The following PTPN12 variants were observed in gnomAD, a reference collection of about 807,000 sequenced individuals.
PTPN12 encodes the protein protein tyrosine phosphatase non-receptor type 12, also known as tyrosine-protein phosphatase non-receptor type 12.
Under a neutral mutation model 97.6 loss-of-function variants are expected in PTPN12, and 29 were observed. The observed-to-expected ratio is 0.30, with a 90% CI of 0.22 to 0.41. The LOEUF is 0.41. Among genes scored for constraint, PTPN12 ranks in the 10% least tolerant of loss-of-function variants. The pLI is 1.00. For synonymous variants in PTPN12, 327 were observed against 300.4 expected, an observed-to-expected ratio of 1.09 and a Z score of -0.91; for missense variants, 819 against 926.0, an observed-to-expected ratio of 0.88 and a Z score of 1.50.
At chr7:77,589,113 A>T (rs1032117762) in intron 5 of PTPN12, among the ~76,000 whole-genome samples, 15 of 152,114 alleles carry the variant, frequency 9.9e-5, no homozygotes, top group African/African-American at 3.4e-4. Flanking sequence ...ACCTCAGGTG[A>T]TCCGACCGCC....
intron 1 of PTPN12, among the ~76,000 whole-genome samples, chr7:77,544,637 A>C (rs186987993): frequency 6.6e-6 from 1 of 152,224 alleles, no homozygotes; most frequent in Non-Finnish European, 1.5e-5. Context: ...TTTTTTGTTC[A>C]TATGTTAAAT....
At chr7:77,619,446 A>G (rs989473022) in intron 12 of PTPN12, among the ~76,000 whole-genome samples, 1 of 152,200 alleles carries the variant, frequency 6.6e-6, no homozygotes, top group Non-Finnish European at 1.5e-5. Context: ...AGCTTCCCTC[A>G]GTAACTGAAG....
At chr7:77,599,317 C>CTTTTT (rs10624183) in intron 7 of PTPN12, among the ~76,000 whole-genome samples, 1 of 123,888 alleles carries the variant, frequency 8.1e-6, no homozygotes, top group African/African-American at 3.1e-5. Flanking sequence ...AGCGCCCCGA[C>CTTTTT]TTTTTTTTTT....
chr7:77,586,995 G>GT (rs1787712223), intron 5 of PTPN12, among the ~76,000 whole-genome samples: 1 of 152,102 alleles, frequency 6.6e-6, no homozygotes, highest in Non-Finnish European at 1.5e-5. Flanking sequence ...CACATTTGCA[G>GT]TTACTTCCTC....
rs1235172954 is a variant in PTPN12, at chr7:77,627,569, A to G, written c.1890A>G (p.Thr630=). 1.9e-6 allele frequency: 3 copies of G among 1,614,042 alleles called. No homozygotes were observed. Among genetic ancestry groups the G allele is most frequent in the Non-Finnish European group, 8.5e-7 (1 of 1,179,996 alleles). ...CTAATATTTCAACAGCAAGTGCCAC[A>G]GTTTCTGCTGCCACTAGTACTGAAA... ...NKTNISTASA[T]VSAATSTESI... is the part of the protein sequence containing the mutation. Residue 630 remains threonine, a synonymous_variant, in exon 13 of 18, where the codon ACA becomes ACG. Transcript: ENST00000248594.
intron 11 of PTPN12, among the ~76,000 whole-genome samples, chr7:77,616,395 G>A (rs1381028227): frequency 6.6e-6 from 1 of 152,040 alleles, no homozygotes; most frequent in Non-Finnish European, 1.5e-5. Flanking sequence ...ACATTTTGAA[G>A]TTAAAGATAA....
intron 1 of PTPN12, among the ~76,000 whole-genome samples, 168 bp downstream of exon 1, chr7:77,537,813 G>GCTCT (rs1310856648): frequency 6.6e-6 from 1 of 152,008 alleles, no homozygotes; most frequent in East Asian, 1.9e-4. Flanking sequence ...GGAGGCGAGA[G>GCTCT]CGCCTCCCCC....
intron 1 of PTPN12, among the ~76,000 whole-genome samples, chr7:77,564,386 G>T (rs930279270): frequency 2.6e-5 from 4 of 152,018 alleles, no homozygotes; most frequent in Admixed American, 6.6e-5. Context: ...AAGATGGTGT[G>T]GTTTTTCTTA....
intron 2 of PTPN12, among the ~76,000 whole-genome samples, chr7:77,572,728 A>C (rs1296181848): frequency 6.6e-6 from 1 of 152,156 alleles, no homozygotes; most frequent in African/African-American, 2.4e-5. Flanking sequence ...CATCCTTAAA[A>C]TGGAGATTAT....
At chr7:77,539,355 T>C (rs1423372961) in intron 1 of PTPN12, among the ~76,000 whole-genome samples, 1 of 152,186 alleles carries the variant, frequency 6.6e-6, no homozygotes. Flanking sequence ...AATAAAAATA[T>C]TGCTTATATT....
At chr7:77,633,770 C>T (rs146723368) in intron 14 of PTPN12, among the ~76,000 whole-genome samples, 258 of 152,198 alleles carry the variant, frequency 1.7e-3, no homozygotes, top group African/African-American at 5.9e-3. Context: ...TACCTGTAAT[C>T]GCAGCACTTT....
At chr7:77,633,761 A>C (rs1789486364) in intron 14 of PTPN12, among the ~76,000 whole-genome samples, 1 of 151,534 alleles carries the variant, frequency 6.6e-6, no homozygotes, top group South Asian at 2.1e-4. Flanking sequence ...ATTGGCTCAT[A>C]CCTGTAATCG....
intron 1 of PTPN12, among the ~76,000 whole-genome samples, 153 bp downstream of exon 1, chr7:77,537,798 C>T (rs1806729260): frequency 6.6e-6 from 1 of 152,000 alleles, no homozygotes; most frequent in Non-Finnish European, 1.5e-5. Context: ...TCTCGGAGGC[C>T]AGCGGGAGGC....
intron 11 of PTPN12, among the ~76,000 whole-genome samples, chr7:77,613,496 G>A (rs1268171681): frequency 6.6e-6 from 1 of 151,820 alleles, no homozygotes; most frequent in Non-Finnish European, 1.5e-5. Flanking sequence ...TAATTGAAAA[G>A]CATTTCTGTT....
intron 8 of PTPN12, among the ~76,000 whole-genome samples, chr7:77,603,551 T>C (rs910416735): frequency 1.3e-5 from 2 of 152,204 alleles, no homozygotes; most frequent in African/African-American, 4.8e-5. Flanking sequence ...AGTGGCACAA[T>C]CTCGGCTCAC....
At chr7:77,550,501 T>C (rs1477640667) in intron 1 of PTPN12, among the ~76,000 whole-genome samples, 1 of 152,152 alleles carries the variant, frequency 6.6e-6, no homozygotes, top group African/African-American at 2.4e-5. Context: ...GAACTGAGGG[T>C]CCTAGAAATT....
chr7:77,636,695 T>G, intron 15 of PTPN12: 1 of 190,572 alleles, frequency 5.2e-6, no homozygotes. Context: ...ATATTTGATT[T>G]TAAGACATGA....
chr7:77,557,270 C>T (rs978357110), intron 1 of PTPN12, among the ~76,000 whole-genome samples: 8 of 152,148 alleles, frequency 5.3e-5, no homozygotes, highest in African/African-American at 1.9e-4. Flanking sequence ...TCCAGCCTCC[C>T]CTGGAGATTT....
intron 1 of PTPN12, among the ~76,000 whole-genome samples, chr7:77,558,307 A>G (rs1385992597): frequency 6.6e-6 from 1 of 152,094 alleles, no homozygotes; most frequent in Non-Finnish European, 1.5e-5. Context: ...GGGAGGGTAA[A>G]CTGGTGAAGC....
Sources: allele counts gnomAD v4.1 joint callset (sites outside exome capture counted in the v4.1 genomes callset), GRCh38; gene constraint gnomAD v4.1.1; transcripts MANE v1.5; gene names NCBI Gene and HGNC (gene_info 2026-07-23, HGNC 2026-07-21).